Variants in RPL26L1 observed in about 807,000 individuals in gnomAD.
RPL26L1 encodes ribosomal protein uL24-like.
RPL26L1 carries 8 observed loss-of-function variants against 15.2 expected under a neutral mutation model. The ratio of observed to expected loss-of-function variants is 0.53; its 90% confidence interval spans 0.31 to 0.95. The LOEUF is 0.95. Ranked by LOEUF, RPL26L1 falls within the 40% of genes least tolerant of loss-of-function variation. The probability of loss-of-function intolerance (pLI) is 0.05; values close to 1 mark genes in which losing one functional copy is unlikely to be tolerated. For missense variants in RPL26L1, 146 were observed against 190.9 expected (o/e 0.76, Z 1.39); for synonymous variants, 51 against 65.9 (o/e 0.77, Z 1.09).
chr5:172,954,684 G>A (rs189182725), upstream of RPL26L1: 12 of 283,718 alleles, frequency 4.2e-5, no homozygotes, highest in Admixed American at 1.7e-4. Context: ...GTTGGTTTAT[G>A]TAAGGAAAAT....
chr5:172,961,909 T>C (rs1227416043), intron 2 of RPL26L1, among the ~76,000 whole-genome samples: 4 of 152,244 alleles, frequency 2.6e-5, no homozygotes, highest in African/African-American at 9.6e-5. Flanking sequence ...CATTTCAAGC[T>C]TCTTAAGAGT....
intron 1 of RPL26L1, 161 bp from the exon 2 acceptor site, chr5:172,959,704 A>G (rs1755143778): frequency 9.3e-7 from 1 of 1,073,642 alleles, no homozygotes; most frequent in South Asian, 1.5e-5. Flanking sequence ...TTTATGTGAT[A>G]GTCAGACTAG....
intron 2 of RPL26L1, among the ~76,000 whole-genome samples, chr5:172,967,838 A>G (rs1044048737): frequency 1.5e-5 from 2 of 129,208 alleles, no homozygotes; most frequent in African/African-American, 5.8e-5. Flanking sequence ...TGTATGACAT[A>G]TATGTATGTT....
At chr5:172,957,763 A>G (rs542993892), upstream of RPL26L1, 8 of 165,712 alleles carry the variant, frequency 4.8e-5, no homozygotes, top group Non-Finnish European at 6.6e-5. Context: ...TGGGTTGCCG[A>G]TAGGTAATGA....
At chr5:172,958,515 A>C (rs901806151), upstream of RPL26L1, 10 of 437,546 alleles carry the variant, frequency 2.3e-5, no homozygotes, top group Non-Finnish European at 3.8e-5. Flanking sequence ...GCATAGAATA[A>C]ACCCCGTCGG....
rs954432949 is a variant in RPL26L1 at position 172,969,558 on chromosome 5, A to T, written c.*17A>T. On this transcript the variant is annotated 3_prime_UTR_variant, in exon 4 of 4. Transcript: ENST00000265100. ...CAGGAATAAATAGAACCTGTTGTGC[A>T]ACCACGGTTTAACCGGAGATTTTGA... 16 of 1,604,760 alleles carry T rather than the reference A, an allele frequency of 1.0e-5. No individual in the cohort carries two copies. The highest frequency in any genetic ancestry group is 5.5e-5 in the South Asian group (5 of 90,322).
At chr5:172,968,396 A>G in intron 2 of RPL26L1, 63 bp from the exon 3 acceptor site, 1 of 1,585,938 alleles carries the variant, frequency 6.3e-7, no homozygotes, top group African/African-American at 1.3e-5. Context: ...CCTGATGGTT[A>G]GCTTCCTCTT....
chr5:172,958,401 T>C (rs928179092), upstream of RPL26L1: 2 of 455,958 alleles, frequency 4.4e-6, no homozygotes, highest in Admixed American at 4.7e-5. Context: ...TTGCAAGACA[T>C]CTTCCCTCTC....
At chr5:172,959,416 G>T, upstream of RPL26L1, 7 of 1,003,816 alleles carry the variant, frequency 7.0e-6, no homozygotes, top group Non-Finnish European at 8.3e-6. Context: ...TGCGCGGCAC[G>T]GAAACTCACT....
In RPL26L1 at chr5:172,959,924, T is replaced by C. The variant is rs1170049661; in HGVS notation, c.51T>C (p.Arg17=). The part of the protein sequence containing the change: ...VTSDRSKNRK[R]HFNAPSHVRR... ...CGGACCGCAGTAAAAACCGCAAACG[T>C]CACTTCAATGCCCCCTCACACGTGC... Residue 17 remains arginine, a synonymous_variant, in exon 2 of 4, where the codon CGT becomes CGC. Transcript: ENST00000265100. 1 of 1,614,124 alleles carries C rather than the reference T, an allele frequency of 6.2e-7. No homozygotes were observed. Among genetic ancestry groups the C allele is most frequent in the South Asian group, 1.1e-5 (1 of 91,082 alleles).
At chr5:172,967,598 A>C (rs184182746) in intron 2 of RPL26L1, among the ~76,000 whole-genome samples, 5 of 152,282 alleles carry the variant, frequency 3.3e-5, no homozygotes, top group Admixed American at 2.0e-4. Context: ...ACTTTAAAAT[A>C]TTTGTATTAA....
At chr5:172,959,304 C>T, upstream of RPL26L1, 2 of 950,502 alleles carry the variant, frequency 2.1e-6, no homozygotes, top group African/African-American at 1.8e-5. Flanking sequence ...ATCGCCCTCC[C>T]GGGGCCGCCA....
chr5:172,959,838 C>G, intron 1 of RPL26L1, 27 bp from the exon 2 acceptor site: 1 of 1,612,530 alleles, frequency 6.2e-7, no homozygotes, highest in African/African-American at 1.3e-5. Context: ...AGCGCCCCTT[C>G]ATTCCGTCTC....
chr5:172,965,247 C>G (rs1414063950), intron 2 of RPL26L1, among the ~76,000 whole-genome samples: 1 of 152,210 alleles, frequency 6.6e-6, no homozygotes, highest in Non-Finnish European at 1.5e-5. Flanking sequence ...CCACTGGGTG[C>G]TGCTCCATTC....
intron 2 of RPL26L1, among the ~76,000 whole-genome samples, chr5:172,962,634 G>A (rs760940075): frequency 7.2e-5 from 11 of 151,780 alleles, no homozygotes; most frequent in East Asian, 1.9e-4. Flanking sequence ...TGGCTAACAC[G>A]GTGAAACCCA....
At chr5:172,959,339 C>G (rs1286867748), upstream of RPL26L1, 1 of 1,002,496 alleles carries the variant, frequency 1.0e-6, no homozygotes. Flanking sequence ...AGATCCCACC[C>G]CAAGCCGCTG....
At chr5:172,960,187 C>T in intron 2 of RPL26L1, 146 bp downstream of exon 2, 1 of 876,830 alleles carries the variant, frequency 1.1e-6, no homozygotes, top group Admixed American at 2.2e-5. Flanking sequence ...GGTTCAGAGC[C>T]ACCAGAGAGT....
At chr5:172,954,783 T>C (rs1461233662), upstream of RPL26L1, 4 of 383,198 alleles carry the variant, frequency 1.0e-5, no homozygotes, top group African/African-American at 8.3e-5. Context: ...CATACAACAT[T>C]TAAGGGATGG....
At chr5:172,969,266 G>C in intron 3 of RPL26L1, 147 bp from the exon 4 acceptor site, 1 of 720,012 alleles carries the variant, frequency 1.4e-6, no homozygotes, top group Non-Finnish European at 2.3e-6. Context: ...TTCCTATTTT[G>C]TATTGTGTTA....
Sources: allele counts gnomAD v4.1 joint callset (sites outside exome capture counted in the v4.1 genomes callset), GRCh38; gene constraint gnomAD v4.1.1; transcripts MANE v1.5; gene names NCBI Gene and HGNC (gene_info 2026-07-23, HGNC 2026-07-21).